CCL5: variants seen among roughly 807,000 people sequenced by gnomAD.
CCL5 encodes C-C motif chemokine 5.
In CCL5, 5 loss-of-function variants were observed where a neutral mutation model predicts 9.0. That is an observed-to-expected ratio of 0.55 (90% CI 0.29 to 1.16). The LOEUF (loss-of-function observed/expected upper bound fraction) is 1.16. CCL5 is among the 50% of genes most tolerant of loss of function. CCL5 has a pLI of 0.08. For missense variants in CCL5, 183 were observed against 183.2 expected, an observed-to-expected ratio of 1.00 and a Z score of 0.01; for synonymous variants, 66 against 72.0, an observed-to-expected ratio of 0.92 and a Z score of 0.42.
chr17:35,878,091 T>C (rs1057357597), intron 2 of CCL5, among the ~76,000 whole-genome samples: 1 of 151,458 alleles, frequency 6.6e-6, no homozygotes, highest in Non-Finnish European at 1.5e-5. Flanking sequence ...GAGACCATCC[T>C]GGCTAACACG....
chr17:35,877,175 G>A (rs2088450878), intron 2 of CCL5, among the ~76,000 whole-genome samples: 1 of 152,154 alleles, frequency 6.6e-6, no homozygotes, highest in South Asian at 2.1e-4. Flanking sequence ...CTGTCTTTGA[G>A]TACCTCTAAC....
At chr17:35,876,748 C>T (rs1027575450) in intron 2 of CCL5, among the ~76,000 whole-genome samples, 11 of 152,306 alleles carry the variant, frequency 7.2e-5, no homozygotes, top group African/African-American at 9.6e-5. Context: ...CCTGACACTC[C>T]GTGCTTTCCT....
At chr17:35,878,419 G>T in intron 2 of CCL5, 109 bp downstream of exon 2, 5 of 722,440 alleles carry the variant, frequency 6.9e-6, no homozygotes, top group Non-Finnish European at 1.2e-5. Context: ...AGAGATGGAG[G>T]AGCTGTGGCT....
chr17:35,879,591 T>A (rs1275211502), intron 1 of CCL5, among the ~76,000 whole-genome samples: 1 of 135,766 alleles, frequency 7.4e-6, no homozygotes, highest in Non-Finnish European at 1.5e-5. Context: ...GCCGAGATCG[T>A]GCCGCTGCAC....
chr17:35,878,433 T>G (rs2088471304), intron 2 of CCL5, 95 bp downstream of exon 2: 1 of 798,078 alleles, frequency 1.3e-6, no homozygotes. Flanking sequence ...TGTGGCTGCT[T>G]GCAGCTGGAG....
At position 35,872,376 on chromosome 17, in the gene CCL5, C is replaced by A. The variant is rs1346639380; in HGVS notation, c.359G>T (p.Gly120Val). 6.2e-7 allele frequency: 1 copy of A among 1,613,616 alleles called. No homozygotes were observed. Among genetic ancestry groups the A allele is most frequent in the Non-Finnish European group, 8.5e-7 (1 of 1,179,924 alleles). ...AAGTTCAGGTTCAAGGACTCTCCAT[C>A]CTAGCTCATCTCCAAAGAGTTGATG... Residue 120 changes from glycine to valine, a missense_variant, in exon 4 of 4, where the codon GGA (glycine) becomes GTA (valine). Gly to Val is a moderately radical substitution (Grantham distance 109). Transcript: ENST00000651122.
At chr17:35,875,813 T>A (rs1421143720) in intron 2 of CCL5, among the ~76,000 whole-genome samples, 2 of 152,152 alleles carry the variant, frequency 1.3e-5, no homozygotes, top group Non-Finnish European at 2.9e-5. Context: ...GACTTCCTCC[T>A]TCTGCCTACC....
Position 35,880,300 on chromosome 17 carries a change from C to T in CCL5, c.6G>A (p.Lys2=), listed in dbSNP as rs1273809872. ...TGACAGCGAGGGCTGCCGCGGAGAC[C>T]TTCATGGTACCTGTGGGAGAGGCTG... Residue 2 remains lysine (K), a synonymous_variant, in exon 1 of 4, where the codon AAG becomes AAA. Transcript: ENST00000651122. 1.9e-6 allele frequency: 3 copies of T among 1,611,842 alleles called. No homozygotes were observed. In the East Asian group the frequency reaches 6.7e-5, roughly 36 times the overall value.
intron 2 of CCL5, 83 bp downstream of exon 2, chr17:35,878,445 A>G: frequency 1.1e-6 from 1 of 870,662 alleles, no homozygotes; most frequent in Non-Finnish European, 1.9e-6. Context: ...CAGCTGGAGG[A>G]TAGGTGGAAG....
At position 35,880,245 on chromosome 17, in the gene CCL5, C is replaced by G; in HGVS notation, c.61G>C (p.Ala21Pro). 6.2e-7 allele frequency: 1 copy of G among 1,613,808 alleles called. No homozygotes were observed. Among genetic ancestry groups the G allele is most frequent in the Non-Finnish European group, 8.5e-7 (1 of 1,179,876 alleles). The change falls in exon 1 of 4, where the codon GCA becomes CCA. Residue 21 changes from alanine to proline, a missense_variant. Physicochemically the swap from Ala to Pro is conservative, Grantham distance 27 (BLOSUM62 -1). Coordinates refer to ENST00000651122, the MANE Select transcript of CCL5 (RefSeq NM_001278736.2). ...CAGGACTTACATGGGGAGGCAGATGCAGGAGCGCAGAGGGCAGTAGCAATG... is the reference window on the plus strand; with the variant it reads ...CAGGACTTACATGGGGAGGCAGATGGAGGAGCGCAGAGGGCAGTAGCAATG...
chr17:35,877,331 C>T (rs764506197), intron 2 of CCL5, among the ~76,000 whole-genome samples: 1 of 152,130 alleles, frequency 6.6e-6, no homozygotes, highest in Non-Finnish European at 1.5e-5. Context: ...GCTGAGATTG[C>T]ACCATTGTAC....
chr17:35,875,289 C>T (rs2088428170), intron 3 of CCL5, among the ~76,000 whole-genome samples: 1 of 151,884 alleles, frequency 6.6e-6, no homozygotes. Flanking sequence ...TAAAATTTAC[C>T]ATCGTAACCA....
intron 1 of CCL5, among the ~76,000 whole-genome samples, chr17:35,879,503 C>T (rs548924409): frequency 3.9e-4 from 59 of 151,982 alleles, no homozygotes; most frequent in Admixed American, 2.7e-3. Flanking sequence ...GGTGTGGTGG[C>T]GGGTGCCTGT....
Position 35,872,380 on chromosome 17 carries a change from G to C in CCL5, c.355C>G (p.Leu119Val). The C allele has an allele frequency of 1.2e-6, 2 of 1,613,732 alleles. No homozygotes were observed. The highest frequency in any genetic ancestry group is 1.7e-6 in the Non-Finnish European group (2 of 1,179,910). The change falls in exon 4 of 4, where the codon CTA (leucine) becomes GTA (valine). Residue 119 changes from leucine to valine, a missense_variant. Transcript: ENST00000651122. ...TCAGGTTCAAGGACTCTCCATCCTA[G>C]CTCATCTCCAAAGAGTTGATGTACT...
Position 35,880,356 on chromosome 17 carries a change from G to T in CCL5, c.-51C>A. 6.8e-7 allele frequency: 1 copy of T among 1,477,524 alleles called. No individual in the cohort carries two copies. Among genetic ancestry groups the T allele is most frequent in the Non-Finnish European group, 9.3e-7 (1 of 1,070,722 alleles). The allele number at this position is 1,477,524 out of a possible 1,614,324, so 91.5% of individuals were successfully genotyped here. A position where few individuals can be genotyped will look rare whatever the true frequency, so the allele number is the denominator to read the frequency against. On this transcript the variant is annotated 5_prime_UTR_variant, in exon 1 of 4. Coordinates refer to ENST00000651122, the MANE Select transcript of CCL5 (RefSeq NM_001278736.2). ...GGTCCACGTGCTGTCTTGATCCTCT[G>T]CAGGAATCCTCTGCAGCTCAGGCTG...
chr17:35,878,449 G>A, intron 2 of CCL5, 79 bp downstream of exon 2: 2 of 915,834 alleles, frequency 2.2e-6, no homozygotes, highest in Non-Finnish European at 3.6e-6. Flanking sequence ...TGGAGGATAG[G>A]TGGAAGTGGG....
At chr17:35,880,146 G>T in intron 1 of CCL5, 84 bp downstream of exon 1, 1 of 1,013,444 alleles carries the variant, frequency 9.9e-7, no homozygotes, top group Non-Finnish European at 1.6e-6. Context: ...AAGAGGGCAA[G>T]GTGTGGGACA....
At chr17:35,879,164 C>T (rs1285425744) in intron 1 of CCL5, among the ~76,000 whole-genome samples, 1 of 152,176 alleles carries the variant, frequency 6.6e-6, no homozygotes, top group African/African-American at 2.4e-5. Context: ...GCATCAGTTG[C>T]CACTTCCCAG....
At chr17:35,875,147 G>A (rs773447912) in intron 3 of CCL5, among the ~76,000 whole-genome samples, 2 of 151,860 alleles carry the variant, frequency 1.3e-5, no homozygotes, top group East Asian at 3.9e-4. Context: ...TCATTCTTTG[G>A]TTTAATATTT....
Sources: gnomAD v4.1 joint callset for allele counts (sites outside exome capture counted in the v4.1 genomes callset) on GRCh38, gnomAD v4.1.1 for gene constraint, MANE v1.5 for transcripts, NCBI Gene and HGNC (gene_info 2026-07-23, HGNC 2026-07-21) for gene names.